The following VPS13A variants were observed in gnomAD, a reference collection of about 807,000 sequenced individuals.
VPS13A encodes the protein vacuolar protein sorting 13 homolog A, also known as intermembrane lipid transfer protein VPS13A.
VPS13A carries 264 observed loss-of-function variants against 390.9 expected under a neutral mutation model. The observed-to-expected ratio is 0.68, with a 90% CI of 0.61 to 0.75. The LOEUF (loss-of-function observed/expected upper bound fraction) is 0.75. Ranked by LOEUF, VPS13A falls within the 30% of genes least tolerant of loss-of-function variation. VPS13A has a pLI of 0.00. For missense variants in VPS13A, 3,409 were observed against 3,733.9 expected (o/e 0.91, Z 2.27); for synonymous variants, 1,231 against 1,227.1 (o/e 1.00, Z -0.07).
In VPS13A at chr9:77,275,533, C is replaced by G; in HGVS notation, c.2548C>G (p.Pro850Ala). The change falls in exon 25 of 72, where the codon CCC becomes GCC. Residue 850 changes from proline (P) to alanine (A), a missense_variant. By Grantham distance (27) the Pro-to-Ala change is conservative. Around this residue, in one of 5 missense-constraint regions of VPS13A, gnomAD observed 2,717 missense variants for 2,917.4 expected, o/e 0.93. Coordinates refer to ENST00000360280, the MANE Select transcript of VPS13A (RefSeq NM_033305.3). ...EEEFFDAPCS[P>A]LEEPLQFPTG... ...GGAATTTTTTGATGCACCATGTAGT[C>G]CCTTGGAAGAACCTCTTCAGTTTCC... The G allele has an allele frequency of 6.2e-7, 1 of 1,613,674 alleles. No individual in the cohort carries two copies. The highest frequency in any genetic ancestry group is 8.5e-7 in the Non-Finnish European group (1 of 1,179,796).
intron 10 of VPS13A, among the ~76,000 whole-genome samples, chr9:77,216,111 C>T (rs1340707555): frequency 1.3e-5 from 2 of 152,180 alleles, no homozygotes; most frequent in South Asian, 2.1e-4. Flanking sequence ...CTCTTTCCTC[C>T]TGCAGTGTCT....
intron 46 of VPS13A, among the ~76,000 whole-genome samples, chr9:77,333,232 T>C (rs1830370104): frequency 6.6e-6 from 1 of 152,162 alleles, no homozygotes; most frequent in Non-Finnish European, 1.5e-5. Flanking sequence ...ATATTTTGTA[T>C]CTCTGTCCAT....
intron 68 of VPS13A, among the ~76,000 whole-genome samples, chr9:77,393,959 G>C (rs781606122): frequency 6.6e-6 from 1 of 152,052 alleles, no homozygotes; most frequent in Non-Finnish European, 1.5e-5. Flanking sequence ...GTAGAGATGG[G>C]GTTTCACCAT....
chr9:77,226,665 G>A, intron 15 of VPS13A, 67 bp downstream of exon 15: 1 of 1,555,822 alleles, frequency 6.4e-7, no homozygotes, highest in South Asian at 1.2e-5. Flanking sequence ...GCCATTTTTT[G>A]CCTAATTAAA....
intron 1 of VPS13A, among the ~76,000 whole-genome samples, chr9:77,195,011 A>T (rs777586447): frequency 6.6e-6 from 1 of 152,062 alleles, no homozygotes; most frequent in East Asian, 1.9e-4. Context: ...TTTGTTGCCT[A>T]TGCTTTTGGT....
At chr9:77,238,448 T>C in intron 19 of VPS13A, 62 bp downstream of exon 19, 1 of 1,217,352 alleles carries the variant, frequency 8.2e-7, no homozygotes, top group South Asian at 1.3e-5. Flanking sequence ...CTTTTATTTA[T>C]GGTAGAATGT....
At position 77,275,705 on chromosome 9, in the gene VPS13A, T is replaced by G. The variant is rs1286291107; in HGVS notation, c.2667+53T>G. 7 of 1,545,742 alleles carry G rather than the reference T, an allele frequency of 4.5e-6. No individual in the cohort carries two copies. In the Admixed American group the frequency reaches 8.4e-5, roughly 18 times the overall value. ...CTTAATTTGTTTGCTGTTTCTATAT[T>G]TACAGCTTACTATATAGTCTCATTG... On this transcript the variant is annotated intron_variant, in intron 25 of 71. Transcript: ENST00000360280.
At chr9:77,387,882 A>ACT (rs3052305) in intron 68 of VPS13A, among the ~76,000 whole-genome samples, 56,931 of 151,880 alleles carry the variant, frequency 0.37, 10,911 homozygotes, top group South Asian at 0.5. Flanking sequence ...TGTGAAAAAT[A>ACT]CTGTTGTTTC....
At chr9:77,397,377 T>C (rs542907522) in intron 68 of VPS13A, among the ~76,000 whole-genome samples, 2 of 152,284 alleles carry the variant, frequency 1.3e-5, no homozygotes, top group South Asian at 2.1e-4. Context: ...ATGAGTCAGA[T>C]ATTGATTAGA....
At chr9:77,346,698 A>G (rs1046374492) in intron 52 of VPS13A, among the ~76,000 whole-genome samples, 3 of 152,204 alleles carry the variant, frequency 2.0e-5, no homozygotes, top group Admixed American at 1.3e-4. Context: ...TGATTTTTGT[A>G]TAAGGTGAGA....
chr9:77,213,392 T>A, intron 9 of VPS13A, 78 bp downstream of exon 9: 1 of 1,193,958 alleles, frequency 8.4e-7, no homozygotes, highest in Non-Finnish European at 1.2e-6. Flanking sequence ...TTATCTAATA[T>A]ACTGTAGTCA....
At chr9:77,315,680 T>C (rs888447054) in intron 38 of VPS13A, among the ~76,000 whole-genome samples, 1 of 152,102 alleles carries the variant, frequency 6.6e-6, no homozygotes, top group African/African-American at 2.4e-5. Flanking sequence ...ATTTAAAAAT[T>C]ATGAAACCTA....
Position 77,275,673 on chromosome 9 carries a change from A to G in VPS13A, c.2667+21A>G, listed in dbSNP as rs1219281912. 4 of 1,608,250 alleles carry G rather than the reference A, an allele frequency of 2.5e-6. No individual in the cohort carries two copies. In the Admixed American group the frequency reaches 6.7e-5, roughly 27 times the overall value. ...CAAAGGTAGGTACTACGGTAAAATT[A>G]ACATGGCTTAATTTGTTTGCTGTTT... On this transcript the variant is annotated intron_variant, in intron 25 of 71. Transcript: ENST00000360280.
At chr9:77,235,597 A>T (rs188281231) in intron 17 of VPS13A, among the ~76,000 whole-genome samples, 41 of 152,190 alleles carry the variant, frequency 2.7e-4, no homozygotes, top group Admixed American at 1.6e-3. Context: ...AAATTTGAGA[A>T]GTTTTTGGCC....
chr9:77,288,426 C>T (rs1374335704), intron 31 of VPS13A, among the ~76,000 whole-genome samples: 1 of 152,162 alleles, frequency 6.6e-6, no homozygotes, highest in Non-Finnish European at 1.5e-5. Flanking sequence ...TTCCTTTAAG[C>T]ACTGCTTTAG....
In VPS13A at chr9:77,340,293, T is replaced by C; in HGVS notation, c.6879+11T>C. The C allele has an allele frequency of 6.2e-7, 1 of 1,610,364 alleles. No individual in the cohort carries two copies. Among genetic ancestry groups the C allele is most frequent in the South Asian group, 1.1e-5 (1 of 90,642 alleles). On this transcript the variant is annotated intron_variant, in intron 49 of 71. Coordinates refer to ENST00000360280, the MANE Select transcript of VPS13A (RefSeq NM_033305.3). ...AAAATGGACTATCAAGTGAGTTCAT[T>C]CTATGCTTATCAAGAAACTTTTATT...
intron 6 of VPS13A, among the ~76,000 whole-genome samples, chr9:77,210,054 A>G (rs1825879702): frequency 6.6e-6 from 1 of 152,218 alleles, no homozygotes; most frequent in South Asian, 2.1e-4. Context: ...TTTTAGGAAA[A>G]ATATAGGAAT....
chr9:77,398,306 G>A (rs17063593), intron 68 of VPS13A, among the ~76,000 whole-genome samples: 1,936 of 152,196 alleles, frequency 0.013, 19 homozygotes, highest in African/African-American at 0.017. Context: ...ATAGTGAAAC[G>A]CACTGGAATT....
chr9:77,251,441 C>T (rs1206377511), intron 21 of VPS13A, among the ~76,000 whole-genome samples: 1 of 152,084 alleles, frequency 6.6e-6, no homozygotes, highest in Admixed American at 6.5e-5. Flanking sequence ...AAAAGATAAA[C>T]CTTTATGTTA....
Sources: allele counts gnomAD v4.1 joint callset (sites outside exome capture counted in the v4.1 genomes callset), GRCh38; gene constraint gnomAD v4.1.1; regional missense constraint gnomAD v4.1.1; transcripts MANE v1.5; gene names NCBI Gene and HGNC (gene_info 2026-07-23, HGNC 2026-07-21).